SPIDR: variants seen among roughly 807,000 people sequenced by gnomAD.
SPIDR encodes the protein scaffold protein involved in DNA repair, also known as DNA repair-scaffolding protein.
In SPIDR, 93 loss-of-function variants were observed where a neutral mutation model predicts 104.6. The observed-to-expected ratio is 0.89, with a 90% CI of 0.75 to 1.06. SPIDR has a LOEUF of 1.06. Among genes scored for constraint, SPIDR ranks in the 50% least tolerant of loss-of-function variants. The pLI, the probability that SPIDR is intolerant of heterozygous loss-of-function variation, is 0.00. For missense variants in SPIDR, 1,154 were observed against 1,111.2 expected, an observed-to-expected ratio of 1.04 and a Z score of -0.55; for synonymous variants, 431 against 416.9, an observed-to-expected ratio of 1.03 and a Z score of -0.41.
intron 8 of SPIDR, chr8:47,592,319 A>G: frequency 1.8e-6 from 2 of 1,122,388 alleles, no homozygotes; most frequent in Non-Finnish European, 2.7e-6. Context: ...AGTGCTGGGG[A>G]CCAGTTACCT....
At chr8:47,314,578 A>T (rs1469451654) in intron 5 of SPIDR, among the ~76,000 whole-genome samples, 3 of 152,142 alleles carry the variant, frequency 2.0e-5, no homozygotes, top group African/African-American at 7.2e-5. Context: ...AAAGCCCCTT[A>T]TAAAACCATC....
chr8:47,461,729 G>A (rs1586102299), intron 8 of SPIDR, among the ~76,000 whole-genome samples: 1 of 151,686 alleles, frequency 6.6e-6, no homozygotes, highest in African/African-American at 2.4e-5. Context: ...AGACTTCCCA[G>A]AACATTTTGC....
intron 10 of SPIDR, among the ~76,000 whole-genome samples, chr8:47,647,643 AGAGAGAGAGAGG>A (rs2070719563): frequency 1.4e-5 from 2 of 147,568 alleles, no homozygotes; most frequent in East Asian, 2.1e-4. Context: ...AGAGAGAGAG[AGAGAGAGAGAGG>A]GAGAGAGAGA....
intron 10 of SPIDR, among the ~76,000 whole-genome samples, chr8:47,625,942 C>T (rs573936384): frequency 6.6e-6 from 1 of 152,246 alleles, no homozygotes; most frequent in South Asian, 2.1e-4. Flanking sequence ...CAGTCCTAAG[C>T]CAAAAGAACA....
intron 12 of SPIDR, 64 bp from the exon 13 acceptor site, chr8:47,701,657 A>G: frequency 6.7e-7 from 1 of 1,500,906 alleles, no homozygotes; most frequent in Non-Finnish European, 9.1e-7. Flanking sequence ...GATTTTAATA[A>G]TATCTCCTCT....
chr8:47,575,594 C>T lies in SPIDR; in HGVS notation c.1098-20217C>T, dbSNP rs1308243121. Among the ~76,000 whole-genome samples, 3 of 149,158 alleles carry T rather than the reference C, an allele frequency of 2.0e-5. No individual in the cohort carries two copies. In the Admixed American group the frequency reaches 2.0e-4, roughly 10 times the overall value. ...CCCGGGAGGCGGAGCTTGCAGTGAG[C>T]CGAGATCGCGCCACTGCACTCCAGC... On this transcript the variant is annotated intron_variant, in intron 8 of 19. Coordinates refer to ENST00000297423, the MANE Select transcript of SPIDR (RefSeq NM_001080394.4).
At position 47,319,662 on chromosome 8, in the gene SPIDR, G is replaced by A. The variant is rs146167889; in HGVS notation, c.525+25632G>A. ...TATACATTCTTCTCAGCACCACACC[G>A]CACTTATTCCAAAATTGACCACATA... On this transcript the variant is annotated intron_variant, in intron 5 of 19. Coordinates refer to ENST00000297423, the MANE Select transcript of SPIDR (RefSeq NM_001080394.4). Among the ~76,000 whole-genome samples the A allele has an allele frequency of 2.5e-3, 383 of 152,056 alleles. 3 individuals are homozygous for A. Among genetic ancestry groups the A allele is most frequent in the African/African-American group, 8.6e-3 (358 of 41,506 alleles).
chr8:47,700,904 G>C (rs2080081445), intron 12 of SPIDR, among the ~76,000 whole-genome samples: 1 of 152,138 alleles, frequency 6.6e-6, no homozygotes, highest in South Asian at 2.1e-4. Context: ...ATAGACATTC[G>C]TACAACGTCC....
chr8:47,418,519 G>T (rs1344617183), intron 7 of SPIDR, among the ~76,000 whole-genome samples: 3 of 152,140 alleles, frequency 2.0e-5, no homozygotes, highest in Non-Finnish European at 2.9e-5. Flanking sequence ...GAGATTTTGG[G>T]CTGAGACGAT....
At chr8:47,503,628 A>G (rs183290163) in intron 8 of SPIDR, among the ~76,000 whole-genome samples, 185 of 152,338 alleles carry the variant, frequency 1.2e-3, no homozygotes, top group Non-Finnish European at 2.4e-3. Flanking sequence ...CATTTAGCCC[A>G]TTCACATTTA....
chr8:47,542,009 C>T (rs2088266647), intron 8 of SPIDR, among the ~76,000 whole-genome samples: 1 of 152,046 alleles, frequency 6.6e-6, no homozygotes, highest in South Asian at 2.1e-4. Context: ...TACTGAAAGT[C>T]CCCCAGGCAC....
chr8:47,715,165 GT>G (rs1491308619), intron 16 of SPIDR, among the ~76,000 whole-genome samples: 1 of 151,654 alleles, frequency 6.6e-6, no homozygotes, highest in African/African-American at 2.4e-5. Context: ...TTTTGGGGGG[GT>G]TTTTTGTTTT....
chr8:47,607,197 GA>G (rs896331480), intron 10 of SPIDR, among the ~76,000 whole-genome samples: 15 of 152,194 alleles, frequency 9.9e-5, no homozygotes, highest in Admixed American at 2.6e-4. Context: ...GAAAGATTGT[GA>G]GTGCAGAGTA....
At chr8:47,300,797 A>G in intron 5 of SPIDR, among the ~76,000 whole-genome samples, 1 of 152,322 alleles carries the variant, frequency 6.6e-6, no homozygotes. Context: ...GTTTGATTGC[A>G]CTGTGGTCTG....
intron 7 of SPIDR, among the ~76,000 whole-genome samples, chr8:47,428,754 T>C (rs1554686935): frequency 6.6e-6 from 1 of 152,238 alleles, no homozygotes; most frequent in Non-Finnish European, 1.5e-5. Flanking sequence ...TCTCCCTCCC[T>C]GTGTTTCAGT....
At chr8:47,424,424 C>A (rs1172771439) in intron 7 of SPIDR, among the ~76,000 whole-genome samples, 1 of 152,178 alleles carries the variant, frequency 6.6e-6, no homozygotes, top group Non-Finnish European at 1.5e-5. Context: ...GCTACCTCAA[C>A]CTCCAGAGTG....
At chr8:47,489,559 A>G (rs2078307573) in intron 8 of SPIDR, among the ~76,000 whole-genome samples, 1 of 152,246 alleles carries the variant, frequency 6.6e-6, no homozygotes, top group African/African-American at 2.4e-5. Context: ...TCTTAAGCCA[A>G]AAGAACAAAG....
chr8:47,712,978 A>G, intron 15 of SPIDR, 106 bp downstream of exon 15: 1 of 1,529,350 alleles, frequency 6.5e-7, no homozygotes. Context: ...CGCTGCCGGC[A>G]CCTTCACGGA....
chr8:47,683,424 G>A (rs959074783), intron 11 of SPIDR, among the ~76,000 whole-genome samples: 3 of 152,196 alleles, frequency 2.0e-5, no homozygotes, highest in Non-Finnish European at 1.5e-5. Context: ...CAGGGGAGGA[G>A]CCCTTTGGCT....
Sources: allele counts gnomAD v4.1 joint callset (sites outside exome capture counted in the v4.1 genomes callset), GRCh38; gene constraint gnomAD v4.1.1; transcripts MANE v1.5; gene names NCBI Gene and HGNC (gene_info 2026-07-23, HGNC 2026-07-21).